CHD1: variants seen among roughly 807,000 people sequenced by gnomAD.
CHD1 encodes the protein chromodomain helicase DNA binding protein 1.
A neutral mutation model predicts 224.2 loss-of-function variants in CHD1; 36 were observed. The ratio of observed to expected loss-of-function variants is 0.16; its 90% CI spans 0.12 to 0.21. The LOEUF (loss-of-function observed/expected upper bound fraction) is 0.21, where lower values mean the gene tolerates loss of function less well. Among genes scored for constraint, CHD1 ranks in the 10% least tolerant of loss-of-function variants. CHD1 has a pLI of 1.00. For missense variants in CHD1, 1,378 were observed against 1,994.8 expected, an observed-to-expected ratio of 0.69 and a Z score of 5.89; for synonymous variants, 668 against 658.3, an observed-to-expected ratio of 1.01 and a Z score of -0.23.
intron 17 of CHD1, among the ~76,000 whole-genome samples, chr5:98,886,629 G>A (rs926616711): frequency 6.6e-6 from 1 of 152,070 alleles, no homozygotes; most frequent in Non-Finnish European, 1.5e-5. Context: ...TTTTAACTCT[G>A]CGAAGAAAAA....
chr5:98,880,946 AG>A, intron 22 of CHD1, 129 bp downstream of exon 22: 2 of 672,036 alleles, frequency 3.0e-6, no homozygotes, highest in Non-Finnish European at 5.3e-6. Context: ...TCTGAACAAG[AG>A]AGAGTAGTTT....
chr5:98,922,286 C>G (rs1753149347), intron 2 of CHD1, among the ~76,000 whole-genome samples: 1 of 152,222 alleles, frequency 6.6e-6, no homozygotes, highest in Non-Finnish European at 1.5e-5. Flanking sequence ...CTTTAAAAAG[C>G]TTAACTTCAG....
At chr5:98,859,516 G>C (rs1203580077) in intron 33 of CHD1, among the ~76,000 whole-genome samples, 2 of 152,090 alleles carry the variant, frequency 1.3e-5, no homozygotes, top group East Asian at 3.8e-4. Flanking sequence ...CTTTAGAAGA[G>C]TAGCAGACAG....
chr5:98,901,906 A>C (rs1286155864), intron 5 of CHD1, among the ~76,000 whole-genome samples: 1 of 152,076 alleles, frequency 6.6e-6, no homozygotes, highest in East Asian at 1.9e-4. Context: ...AAGAAGTTCA[A>C]ATGAAAGGCA....
At chr5:98,872,312 C>CTT in intron 27 of CHD1, 105 bp downstream of exon 27, 32 of 1,292,058 alleles carry the variant, frequency 2.5e-5, no homozygotes, top group African/African-American at 4.6e-5. Context: ...TTATTTCTTC[C>CTT]TTTTTTTTTT....
At chr5:98,918,148 C>T (rs1039626500) in intron 2 of CHD1, among the ~76,000 whole-genome samples, 1 of 151,680 alleles carries the variant, frequency 6.6e-6, no homozygotes, top group African/African-American at 2.4e-5. Flanking sequence ...AGCTCTGCCT[C>T]CTGGGTTCAT....
At chr5:98,922,997 G>GA (rs1042581033) in intron 2 of CHD1, among the ~76,000 whole-genome samples, 1 of 118,218 alleles carries the variant, frequency 8.5e-6, no homozygotes, top group African/African-American at 4.6e-5. Flanking sequence ...TCAAAAAAAA[G>GA]AAAAAAAATT....
intron 9 of CHD1, 70 bp from the exon 10 acceptor site, chr5:98,898,504 T>C: frequency 7.4e-6 from 10 of 1,347,156 alleles, no homozygotes; most frequent in Non-Finnish European, 9.8e-6. Flanking sequence ...TACATAATTC[T>C]TAGTAAAGGC....
intron 18 of CHD1, among the ~76,000 whole-genome samples, chr5:98,884,148 A>T (rs1049500376): frequency 6.8e-6 from 1 of 147,330 alleles, no homozygotes; most frequent in African/African-American, 2.5e-5. Flanking sequence ...ATCTCGGTTC[A>T]CTGCAAGCTC....
At chr5:98,919,263 A>G (rs774958542) in intron 2 of CHD1, among the ~76,000 whole-genome samples, 6 of 152,340 alleles carry the variant, frequency 3.9e-5, no homozygotes, top group Non-Finnish European at 7.4e-5. Context: ...TCAAAACCCA[A>G]AGAACTGTGC....
intron 15 of CHD1, among the ~76,000 whole-genome samples, chr5:98,891,504 T>C (rs1186172563): frequency 1.3e-5 from 2 of 152,122 alleles, no homozygotes; most frequent in East Asian, 1.9e-4. Flanking sequence ...ATAAAAAGAC[T>C]GGCATGAGTT....
intron 7 of CHD1, among the ~76,000 whole-genome samples, chr5:98,900,226 G>A (rs1198914059): frequency 6.7e-6 from 1 of 149,342 alleles, no homozygotes; most frequent in Non-Finnish European, 1.5e-5. Context: ...AGCTTGCAGT[G>A]AGCTGAGACC....
chr5:98,897,363 A>G lies in CHD1; in HGVS notation c.1366-43T>C. 2.2e-6 allele frequency: 3 copies of G among 1,339,112 alleles called. No homozygotes were observed. In the African/African-American group the frequency reaches 4.5e-5, roughly 20 times the overall value. 83.0% of individuals were successfully genotyped at this position (1,339,112 alleles called of 1,614,324 possible). ...ATTATTATGTAGAGTTATTAAATAT[A>G]AGAAATTATACTAAAAGATGAAAGC... On this transcript the variant is annotated intron_variant, in intron 10 of 35. Coordinates refer to ENST00000614616, the MANE Select transcript of CHD1 (RefSeq NM_001270.4).
chr5:98,904,033 C>T lies in CHD1; in HGVS notation c.256-125G>A, dbSNP rs1751888979. ...AAGTAATAAAGACTATATTCCTTAC[C>T]TATATGTAACACAATTATCATTGCA... is the stretch of plus-strand genomic sequence containing the variant. On this transcript the variant is annotated intron_variant, in intron 3 of 35. Coordinates refer to ENST00000614616, the MANE Select transcript of CHD1 (RefSeq NM_001270.4). 1.3e-5 allele frequency: 8 copies of T among 602,266 alleles called. No homozygotes were observed. In the South Asian group the frequency reaches 1.6e-4, roughly 12 times the overall value. 37.3% of individuals were successfully genotyped at this position (602,266 alleles called of 1,614,324 possible).
intron 18 of CHD1, 56 bp downstream of exon 18, chr5:98,885,522 T>C (rs1191698016): frequency 1.9e-6 from 2 of 1,049,262 alleles, no homozygotes; most frequent in Admixed American, 2.1e-5. Flanking sequence ...TATAATAATG[T>C]AATATACTGA....
At chr5:98,895,183 C>T (rs557975653) in intron 12 of CHD1, among the ~76,000 whole-genome samples, 5 of 152,278 alleles carry the variant, frequency 3.3e-5, no homozygotes, top group African/African-American at 9.6e-5. Flanking sequence ...ATAAATACCA[C>T]AGCATTTCTT....
intron 2 of CHD1, among the ~76,000 whole-genome samples, chr5:98,925,262 T>G (rs1289221185): frequency 1.3e-5 from 2 of 152,182 alleles, no homozygotes; most frequent in Non-Finnish European, 2.9e-5. Context: ...TTTTTTTAAA[T>G]TTTATTTTTT....
rs558819969 is a variant in CHD1, at chr5:98,879,717, G to A, written c.3072C>T (p.Phe1024=). Residue 1024 remains phenylalanine, a synonymous_variant, in exon 23 of 36, where the codon TTC becomes TTT. Transcript: ENST00000614616. ...ELLSQFKVAN[F]SNMDEDDIEL... ...CAATGTCATCCTCATCCATATTTGA[G>A]AAGTTGGCAACCTGATAAATTTCAG... The A allele has an allele frequency of 1.1e-5, 17 of 1,591,522 alleles. No homozygotes were observed. The highest frequency in any genetic ancestry group is 3.9e-4 in the Middle Eastern group (2 of 5,164).
Position 98,856,605 on chromosome 5 carries a change from A to G in CHD1, c.4908T>C (p.Asp1636=), listed in dbSNP as rs751078761. Residue 1636 remains aspartate, a synonymous_variant, in exon 36 of 36, where the codon GAT becomes GAC. Coordinates refer to ENST00000614616, the MANE Select transcript of CHD1 (RefSeq NM_001270.4). ...RSHSDHRSHS[D]HRLHSDHRSS... ...ACCGGTGGTCTGAATGTAACCGATG[A>G]TCTGAGTGAGAACGATGATCAGAAT... is the stretch of plus-strand genomic sequence containing the variant. 1.5e-5 allele frequency: 24 copies of G among 1,613,778 alleles called. No homozygotes were observed. Among genetic ancestry groups the G allele is most frequent in the Middle Eastern group, 1.6e-4 (1 of 6,062 alleles).
Sources: gnomAD v4.1 joint callset for allele counts (sites outside exome capture counted in the v4.1 genomes callset) on GRCh38, gnomAD v4.1.1 for gene constraint, MANE v1.5 for transcripts, NCBI Gene and HGNC (gene_info 2026-07-23, HGNC 2026-07-21) for gene names.